Variants in CHD7 observed in about 807,000 individuals in gnomAD.
The protein encoded by CHD7 is ATP-dependent chromatin remodeler CHD7.
In CHD7, 24 loss-of-function variants were observed where a neutral mutation model predicts 307.3. The ratio of observed to expected loss-of-function variants is 0.08; its 90% CI spans 0.06 to 0.11. The LOEUF is 0.11. Ranked by LOEUF, CHD7 falls within the 10% of genes least tolerant of loss-of-function variation. The pLI is 1.00. For missense variants in CHD7, 3,106 were observed against 3,727.1 expected (o/e 0.83, Z 4.34); for synonymous variants, 1,363 against 1,349.9 (o/e 1.01, Z -0.21).
At chr8:60,734,847 G>A (rs570358925) in intron 1 of CHD7, among the ~76,000 whole-genome samples, 11 of 152,152 alleles carry the variant, frequency 7.2e-5, no homozygotes, top group Non-Finnish European at 1.2e-4. Flanking sequence ...GGTCCTTTAA[G>A]GATTTTAATC....
At chr8:60,797,140 A>G (rs1383010362) in intron 4 of CHD7, among the ~76,000 whole-genome samples, 1 of 152,256 alleles carries the variant, frequency 6.6e-6, no homozygotes, top group Non-Finnish European at 1.5e-5. Context: ...ATAGTTTACC[A>G]GATCACAATA....
chr8:60,775,793 T>C (rs1315779974), intron 2 of CHD7, among the ~76,000 whole-genome samples: 1 of 152,234 alleles, frequency 6.6e-6, no homozygotes, highest in African/African-American at 2.4e-5. Context: ...AGTCTTGCTC[T>C]GTTGCCTAGG....
chr8:60,733,518 A>G (rs1808558319), intron 1 of CHD7, among the ~76,000 whole-genome samples: 1 of 152,222 alleles, frequency 6.6e-6, no homozygotes. Flanking sequence ...CCACCTTCTC[A>G]GTGGGCTTAG....
chr8:60,749,855 A>G (rs1809542591), intron 2 of CHD7, among the ~76,000 whole-genome samples: 1 of 152,204 alleles, frequency 6.6e-6, no homozygotes, highest in Non-Finnish European at 1.5e-5. Context: ...GTTGCTCTCA[A>G]CAGCCTGTGG....
rs1811215623 is a variant in CHD7 at position 60,781,279 on chromosome 8, G to A, written c.1945G>A (p.Ala649Thr). 9 of 1,563,136 alleles carry A rather than the reference G, an allele frequency of 5.8e-6. No individual in the cohort carries two copies. Among genetic ancestry groups the A allele is most frequent in the South Asian group, 1.2e-5 (1 of 84,802 alleles). ...EEKKKKKRSK[A>T]KKDPKEPKEP... ...AAAAAAGAAAAAGAAAAGGTCAAAG[G>A]CAAAAAAAGACCCGAAGGAACCGAA... The change falls in exon 3 of 38, where the codon GCA (alanine) becomes ACA (threonine). Residue 649 changes from alanine to threonine, a missense_variant. Transcript: ENST00000423902.
intron 1 of CHD7, among the ~76,000 whole-genome samples, chr8:60,691,331 G>A (rs1324956887): frequency 6.6e-6 from 1 of 152,106 alleles, no homozygotes; most frequent in African/African-American, 2.4e-5. Flanking sequence ...GCCTGCTATT[G>A]ATCTAGTGAG....
At chr8:60,810,436 T>C (rs1040781489) in intron 7 of CHD7, among the ~76,000 whole-genome samples, 1 of 151,844 alleles carries the variant, frequency 6.6e-6, no homozygotes, top group African/African-American at 2.4e-5. Flanking sequence ...CACTTATCTG[T>C]TTATTATATA....
rs144211311 is a variant in CHD7, at chr8:60,717,593, G to T, written c.-174-23666G>T. On this transcript the variant is annotated intron_variant, in intron 1 of 37. Coordinates refer to ENST00000423902, the MANE Select transcript of CHD7 (RefSeq NM_017780.4). ...GGGCAGGTGGCATGAGCTGAAAAGT[G>T]TAAGGTAACTACCCCTGAAAGTTGA... Among the ~76,000 whole-genome samples, 36 of 152,270 alleles carry T rather than the reference G, an allele frequency of 2.4e-4. No individual in the cohort carries two copies. The East Asian group carries it at 5.4e-3, about 23-fold the overall frequency.
chr8:60,801,550 C>A lies in CHD7; in HGVS notation c.2399C>A (p.Pro800Gln). ...EQQESVDAEG[P>Q]VVEKIMSSRS... The stretch of plus-strand genomic sequence containing the variant: ...TAGGAATCTGTTGATGCAGAAGGCC[C>A]AGTGGTAGAAAAAATTATGAGCAGT... Residue 800 changes from proline to glutamine, a missense_variant, in exon 6 of 38, where the codon CCA becomes CAA. Physicochemically the swap from Pro to Gln is moderately conservative, Grantham distance 76. Transcript: ENST00000423902. 1 of 1,574,260 alleles carries A rather than the reference C, an allele frequency of 6.4e-7. No homozygotes were observed. Among genetic ancestry groups the A allele is most frequent in the East Asian group, 2.3e-5 (1 of 43,194 alleles).
intron 15 of CHD7, among the ~76,000 whole-genome samples, chr8:60,833,219 A>G (rs1473030663): frequency 6.6e-6 from 1 of 152,216 alleles, no homozygotes; most frequent in African/African-American, 2.4e-5. Flanking sequence ...TCAACAAAAC[A>G]CATTTCCAGG....
chr8:60,857,086 T>G (rs1805752501), intron 34 of CHD7, among the ~76,000 whole-genome samples, 198 bp downstream of exon 34: 1 of 152,246 alleles, frequency 6.6e-6, no homozygotes, highest in African/African-American at 2.4e-5. Context: ...GAAGTGTAGC[T>G]TGAGGATGTA....
intron 1 of CHD7, among the ~76,000 whole-genome samples, chr8:60,685,458 G>A (rs779875006): frequency 3.3e-5 from 5 of 152,126 alleles, no homozygotes; most frequent in Non-Finnish European, 7.4e-5. Flanking sequence ...GTCCCCTTAC[G>A]GAGGCTGCTT....
chr8:60,852,744 C>T (rs187410589), intron 30 of CHD7, 38 bp downstream of exon 30: 306 of 1,610,624 alleles, frequency 1.9e-4, no homozygotes, highest in Non-Finnish European at 2.4e-4. Flanking sequence ...TACAAAAAGA[C>T]GAGTAAAGTG....
intron 2 of CHD7, among the ~76,000 whole-genome samples, chr8:60,770,522 G>A (rs1192169254): frequency 1.3e-5 from 2 of 152,094 alleles, no homozygotes; most frequent in East Asian, 3.8e-4. Flanking sequence ...GGAGTCATGG[G>A]GACACAGTCC....
intron 2 of CHD7, among the ~76,000 whole-genome samples, chr8:60,751,003 A>T (rs564580895): frequency 3.3e-5 from 5 of 152,348 alleles, no homozygotes; most frequent in African/African-American, 4.8e-5. Context: ...GGATATTAGT[A>T]TCAGTTCTTG....
Position 60,856,701 on chromosome 8 carries a change from T to C in CHD7, c.7421T>C (p.Val2474Ala), listed in dbSNP as rs1473386111. Residue 2474 changes from valine to alanine, a missense_variant, in exon 34 of 38, where the codon GTG becomes GCG. Val to Ala is a moderately conservative substitution (Grantham distance 64, BLOSUM62 0). Around this residue, in one of 10 missense-constraint regions of CHD7, gnomAD observed 1,030 missense variants for 1,165.4 expected, o/e 0.88. Coordinates refer to ENST00000423902, the MANE Select transcript of CHD7 (RefSeq NM_017780.4). ...KFILPNVSTP[V>A]SDAFKTQMEL... Reference sequence around the variant, plus strand: ...ATCTTGCCTAATGTCTCAACACCAGTGTCTGATGCCTTTAAGACTCAAATG... The same window carrying C: ...ATCTTGCCTAATGTCTCAACACCAGCGTCTGATGCCTTTAAGACTCAAATG... 19 of 1,613,906 alleles carry C rather than the reference T, an allele frequency of 1.2e-5. No homozygotes were observed. In the East Asian group the frequency reaches 3.6e-4, roughly 30 times the overall value.
At chr8:60,680,451 G>T (rs1348356069) in intron 1 of CHD7, among the ~76,000 whole-genome samples, 10 of 141,256 alleles carry the variant, frequency 7.1e-5, no homozygotes, top group Non-Finnish European at 1.6e-4. Context: ...GGGGGTGGGG[G>T]CGCTGGTCGG....
Position 60,771,505 on chromosome 8 carries a change from A to G in CHD7, c.1666-9495A>G, listed in dbSNP as rs183147332. Among the ~76,000 whole-genome samples the G allele has an allele frequency of 2.2e-4, 33 of 152,306 alleles. 1 individual carries two copies. In the East Asian group the frequency reaches 3.5e-3, roughly 16 times the overall value. On this transcript the variant is annotated intron_variant, in intron 2 of 37. Coordinates refer to ENST00000423902, the MANE Select transcript of CHD7 (RefSeq NM_017780.4). ...GAGCATTTAGATTTCAGATTTTTAG[A>G]TTAGGGATACTCACTCTGTACCACA...
chr8:60,773,304 A>G (rs1279577297), intron 2 of CHD7, among the ~76,000 whole-genome samples: 1 of 152,192 alleles, frequency 6.6e-6, no homozygotes, highest in African/African-American at 2.4e-5. Context: ...TTTTCTCACA[A>G]AATTACTTCA....
Sources: gnomAD v4.1 joint callset for allele counts (sites outside exome capture counted in the v4.1 genomes callset) on GRCh38, gnomAD v4.1.1 for gene constraint, gnomAD v4.1.1 regional missense constraint, MANE v1.5 for transcripts, NCBI Gene and HGNC (gene_info 2026-07-23, HGNC 2026-07-21) for gene names.